P4HA1: variants seen among roughly 807,000 people sequenced by gnomAD.
P4HA1 encodes prolyl 4-hydroxylase subunit alpha 1, also known as prolyl 4-hydroxylase subunit alpha-1.
In P4HA1, 24 loss-of-function variants were observed where a neutral mutation model predicts 72.8. The ratio of observed to expected loss-of-function variants is 0.33; its 90% CI spans 0.24 to 0.46. P4HA1 has a LOEUF of 0.46. P4HA1 is among the 20% of genes least tolerant of loss of function. The pLI is 1.00. For synonymous variants in P4HA1, 201 were observed against 218.8 expected (o/e 0.92, Z 0.72); for missense variants, 446 against 640.6 (o/e 0.70, Z 3.28).
chr10:73,076,464 C>T (rs1309292029), intron 1 of P4HA1, among the ~76,000 whole-genome samples: 1 of 150,796 alleles, frequency 6.6e-6, no homozygotes, highest in South Asian at 2.1e-4. Context: ...AGTTTTGTTT[C>T]TCTTATCAAC....
intron 14 of P4HA1, 56 bp from the exon 15 acceptor site, chr10:73,008,348 T>A: frequency 8.9e-7 from 1 of 1,129,332 alleles, no homozygotes; most frequent in Non-Finnish European, 1.3e-6. Context: ...AGTATTTAAT[T>A]AGTTTCTAAA....
chr10:73,091,305 T>A (rs1446777432), intron 1 of P4HA1, among the ~76,000 whole-genome samples: 3 of 151,978 alleles, frequency 2.0e-5, no homozygotes, highest in Non-Finnish European at 4.4e-5. Context: ...AAATACCAAC[T>A]TTTTTTGTTT....
At chr10:73,087,655 T>G (rs1430977891) in intron 1 of P4HA1, among the ~76,000 whole-genome samples, 2 of 151,952 alleles carry the variant, frequency 1.3e-5, no homozygotes, top group African/African-American at 4.8e-5. Flanking sequence ...TTTAATTAGG[T>G]TGTTTACTTT....
At position 73,093,773 on chromosome 10, in the gene P4HA1, G is replaced by A. The variant is rs557660829; in HGVS notation, c.-33+2993C>T. 2.0e-4 allele frequency among the ~76,000 whole-genome samples: 29 copies of A among 144,418 alleles called. No homozygotes were observed. In the South Asian group the frequency reaches 6.0e-3, roughly 30 times the overall value. 94.7% of individuals were successfully genotyped at this position (144,418 alleles called of 152,430 possible). On this transcript the variant is annotated intron_variant, in intron 1 of 14. Transcript: ENST00000394890. ...CAGGAGAATGGCGTGAACCCGGGAGGTGGAGCTTGCAGTGGGCCGAGATTG... is the reference window on the plus strand; with the variant it reads ...CAGGAGAATGGCGTGAACCCGGGAGATGGAGCTTGCAGTGGGCCGAGATTG...
chr10:73,065,370 TCA>T (rs1229653489), intron 5 of P4HA1: 1 of 152,088 alleles, frequency 6.6e-6, no homozygotes, highest in Non-Finnish European at 1.5e-5. Context: ...ATGTAACCTA[TCA>T]GATTTTTCAT....
At chr10:73,034,019 C>T (rs932332076) in intron 9 of P4HA1, among the ~76,000 whole-genome samples, 4 of 152,014 alleles carry the variant, frequency 2.6e-5, no homozygotes, top group South Asian at 2.1e-4. Flanking sequence ...AGACCAGTCT[C>T]GGCAACCTAG....
At chr10:73,019,208 G>C (rs1271543764) in intron 10 of P4HA1, among the ~76,000 whole-genome samples, 1 of 152,160 alleles carries the variant, frequency 6.6e-6, no homozygotes, top group East Asian at 1.9e-4. Flanking sequence ...TTCTGACAAT[G>C]AATGCAGCTG....
At chr10:73,025,828 G>A (rs921402918) in intron 10 of P4HA1, among the ~76,000 whole-genome samples, 4 of 151,970 alleles carry the variant, frequency 2.6e-5, no homozygotes, top group African/African-American at 9.7e-5. Flanking sequence ...AACAGACAGA[G>A]AGCCAAATCA....
intron 5 of P4HA1, among the ~76,000 whole-genome samples, chr10:73,066,681 T>C (rs984013889): frequency 2.6e-5 from 4 of 152,100 alleles, no homozygotes; most frequent in Non-Finnish European, 4.4e-5. Flanking sequence ...TGAATTTTAA[T>C]AATCCCCACC....
chr10:73,013,335 T>C (rs1283457997), intron 12 of P4HA1, among the ~76,000 whole-genome samples: 1 of 152,178 alleles, frequency 6.6e-6, no homozygotes, highest in African/African-American at 2.4e-5. Context: ...AACAATACCA[T>C]GTACTTTTGC....
intron 3 of P4HA1, 92 bp from the exon 4 acceptor site, chr10:73,072,272 T>C (rs1564634646): frequency 1.9e-6 from 2 of 1,032,804 alleles, no homozygotes; most frequent in East Asian, 4.8e-5. Flanking sequence ...GACTAGAAGT[T>C]TTTGAGTTCA....
At chr10:73,025,222 C>T (rs545727919) in intron 10 of P4HA1, among the ~76,000 whole-genome samples, 73 of 151,274 alleles carry the variant, frequency 4.8e-4, no homozygotes, top group Non-Finnish European at 9.6e-4. Context: ...AACATCGACG[C>T]AAAAATCCAA....
chr10:73,094,374 A>C (rs956569724), intron 1 of P4HA1, among the ~76,000 whole-genome samples: 2 of 152,162 alleles, frequency 1.3e-5, no homozygotes, highest in Admixed American at 1.3e-4. Flanking sequence ...GGTTCTTATA[A>C]TAAAGTTCAT....
In P4HA1 at chr10:73,065,899, C is replaced by T. The variant is rs1291909946; in HGVS notation, c.463+2947G>A. ...ATACCACATTAGCAGTTAGATGAAT[C>T]TGATCAACACAGATAAATTTACTGA... On this transcript the variant is annotated intron_variant, in intron 5 of 14. Coordinates refer to ENST00000394890, the MANE Select transcript of P4HA1 (RefSeq NM_001017962.3). 2.6e-5 allele frequency among the ~76,000 whole-genome samples: 4 copies of T among 151,932 alleles called. No homozygotes were observed. The East Asian group carries it at 7.7e-4, about 29-fold the overall frequency.
At chr10:73,096,400 G>A (rs1387489642) in intron 1 of P4HA1, among the ~76,000 whole-genome samples, 2 of 152,054 alleles carry the variant, frequency 1.3e-5, no homozygotes, top group Non-Finnish European at 1.5e-5. Context: ...CGTTAGGGAG[G>A]ACCAGGTGCA....
chr10:73,066,145 T>C (rs1298948510), intron 5 of P4HA1, among the ~76,000 whole-genome samples: 1 of 152,084 alleles, frequency 6.6e-6, no homozygotes, highest in Non-Finnish European at 1.5e-5. Context: ...CAACAGAAAA[T>C]AATCTGGGTT....
At chr10:73,084,199 A>G (rs1223077249) in intron 1 of P4HA1, among the ~76,000 whole-genome samples, 2 of 152,240 alleles carry the variant, frequency 1.3e-5, no homozygotes, top group Non-Finnish European at 2.9e-5. Context: ...AAAGTTTTGT[A>G]CAATATGCAC....
chr10:73,037,234 C>T (rs1840594743), intron 9 of P4HA1, among the ~76,000 whole-genome samples: 1 of 149,994 alleles, frequency 6.7e-6, no homozygotes, highest in Non-Finnish European at 1.5e-5. Flanking sequence ...AATGACAGGA[C>T]CTGAAGCCAA....
chr10:73,063,327 G>A (rs993744206), intron 5 of P4HA1, among the ~76,000 whole-genome samples: 2 of 152,150 alleles, frequency 1.3e-5, no homozygotes, highest in Non-Finnish European at 2.9e-5. Flanking sequence ...CTCACATGGT[G>A]AAGGCTGAAG....
Sources: allele counts gnomAD v4.1 joint callset (sites outside exome capture counted in the v4.1 genomes callset), GRCh38; gene constraint gnomAD v4.1.1; transcripts MANE v1.5; gene names NCBI Gene and HGNC (gene_info 2026-07-23, HGNC 2026-07-21).